PDE4A: variants seen among roughly 807,000 people sequenced by gnomAD.
PDE4A encodes the protein 3',5'-cyclic-AMP phosphodiesterase 4A.
PDE4A carries 21 observed loss-of-function variants against 73.9 expected under a neutral mutation model. That is an observed-to-expected ratio of 0.28 (90% confidence interval 0.20 to 0.41). PDE4A has a LOEUF of 0.41. Among genes scored for constraint, PDE4A ranks in the 10% least tolerant of loss-of-function variants. PDE4A has a pLI of 1.00. For missense variants in PDE4A, 958 were observed against 1,211.4 expected (o/e 0.79, Z 3.10); for synonymous variants, 463 against 505.4 (o/e 0.92, Z 1.13).
intron 2 of PDE4A, 28 bp downstream of exon 2, chr19:10,446,437 T>C: frequency 6.3e-7 from 1 of 1,594,960 alleles, no homozygotes; most frequent in Non-Finnish European, 8.6e-7. Context: ...CACATGCCAG[T>C]TCCCCCAGGC....
upstream of PDE4A, chr19:10,420,444 C>A: frequency 2.2e-6 from 2 of 912,996 alleles, no homozygotes; most frequent in Non-Finnish European, 2.6e-6. The surrounding 1 kb of genome is among the most constrained non-coding windows in gnomAD (Gnocchi z 6.0). Flanking sequence ...GCGCTGACAG[C>A]CGCGGCGGGC....
At position 10,453,893 on chromosome 19, in the gene PDE4A, G is replaced by T. The variant is rs1368543906; in HGVS notation, c.784-936G>T. ...GTACCCAGGGTCTCTGGGTGGCACC[G>T]GGAGGAGGGAGCACCCCGTCCAAGC... On this transcript the variant is annotated intron_variant, in intron 6 of 14. Transcript: ENST00000380702. This position sits in a 1 kb window ranked among gnomAD's most constrained non-coding sequence, Gnocchi z 4.6. 6.6e-6 allele frequency among the ~76,000 whole-genome samples: 1 copy of T among 152,058 alleles called. No homozygotes were observed. The highest frequency in any genetic ancestry group is 1.5e-5 in the Non-Finnish European group (1 of 67,986).
chr19:10,443,082 G>T (rs562287192), intron 1 of PDE4A, among the ~76,000 whole-genome samples: 2 of 152,094 alleles, frequency 1.3e-5, no homozygotes, highest in South Asian at 4.1e-4. Flanking sequence ...CCGAGGCTTA[G>T]GTGGGGGGAT....
intron 7 of PDE4A, among the ~76,000 whole-genome samples, chr19:10,456,525 C>CAAAA (rs1170935035): frequency 8.3e-5 from 12 of 144,986 alleles, no homozygotes; most frequent in Non-Finnish European, 7.7e-5. Context: ...GACTCCATCT[C>CAAAA]AAAAAAAAAA....
chr19:10,450,543 G>A, intron 4 of PDE4A, 60 bp from the exon 5 acceptor site: 1 of 1,540,218 alleles, frequency 6.5e-7, no homozygotes, highest in African/African-American at 1.4e-5. Flanking sequence ...AAAGCGGGAG[G>A]CAGGGACCTG....
In PDE4A at chr19:10,448,887, C is replaced by T. The variant is rs137957993; in HGVS notation, c.513-30C>T. The T allele has an allele frequency of 2.7e-4, 439 of 1,613,490 alleles. 3 individuals are homozygous for T. The African/African-American group carries it at 5.2e-3, about 19-fold the overall frequency. On this transcript the variant is annotated intron_variant, in intron 2 of 14. Coordinates refer to ENST00000380702, the MANE Select transcript of PDE4A (RefSeq NM_001111307.2). The stretch of plus-strand genomic sequence containing the variant: ...CCCCAGACAGTTGCTTCTCTGCGGA[C>T]CCCTGACCTGCCTCTGTCCTCAATC...
chr19:10,451,898 G>A (rs1010428581), intron 6 of PDE4A, among the ~76,000 whole-genome samples: 2 of 152,016 alleles, frequency 1.3e-5, no homozygotes, highest in African/African-American at 4.8e-5. Context: ...GGTGCTTACA[G>A]CAGTGGGTGG....
intron 1 of PDE4A, among the ~76,000 whole-genome samples, chr19:10,437,323 C>A (rs1439047942): frequency 6.6e-6 from 1 of 152,072 alleles, no homozygotes; most frequent in East Asian, 1.9e-4. Flanking sequence ...GGGGTTTCAC[C>A]ATGTTGGTCA....
At chr19:10,456,888 G>A (rs891265604) in intron 7 of PDE4A, among the ~76,000 whole-genome samples, 3 of 152,094 alleles carry the variant, frequency 2.0e-5, no homozygotes, top group East Asian at 3.9e-4. Flanking sequence ...TTCGGGAACC[G>A]CCCAGACAAG....
intron 14 of PDE4A, among the ~76,000 whole-genome samples, chr19:10,465,170 C>T (rs1434793884): frequency 3.9e-5 from 6 of 151,986 alleles, no homozygotes; most frequent in South Asian, 4.1e-4. Flanking sequence ...GGATTCTTAG[C>T]AGAATCCCTG....
At chr19:10,418,899 G>T (rs527324479), upstream of PDE4A, 11 of 983,172 alleles carry the variant, frequency 1.1e-5, no homozygotes, top group African/African-American at 1.6e-4. Context: ...GTGTGTAATG[G>T]GGGGGGTGTT....
chr19:10,466,003 CTTT>C (rs372475097), intron 14 of PDE4A, among the ~76,000 whole-genome samples: 1 of 126,526 alleles, frequency 7.9e-6, no homozygotes, highest in African/African-American at 2.9e-5. Flanking sequence ...ATCCGGCCTA[CTTT>C]TTTTTTTTTT....
chr19:10,430,857 C>T, intron 1 of PDE4A: 1 of 1,227,106 alleles, frequency 8.1e-7, no homozygotes, highest in African/African-American at 1.6e-5. Flanking sequence ...GGCGCGGCCG[C>T]GCGGCCTAGG....
chr19:10,463,807 G>A lies in PDE4A; in HGVS notation c.1758G>A (p.Met586Ile). 1 of 1,614,118 alleles carries A rather than the reference G, an allele frequency of 6.2e-7. No homozygotes were observed. The highest frequency in any genetic ancestry group is 8.5e-7 in the Non-Finnish European group (1 of 1,180,012). Residue 586 changes from methionine (M) to isoleucine (I), a missense_variant, in exon 14 of 15, where the codon ATG (methionine) becomes ATA (isoleucine). Physicochemically the swap from Met to Ile is conservative, Grantham distance 10 (BLOSUM62 1). Around this residue, in one of 3 missense-constraint regions of PDE4A, gnomAD observed 570 missense variants for 827.7 expected, o/e 0.69. Transcript: ENST00000380702. ...YSDRIQVLRNMVHCADLSNPT... is the reference protein window; with the variant it reads ...YSDRIQVLRNIVHCADLSNPT... ...ACCCCATGCAGGTCCTCCGGAACATGGTGCACTGTGCCGACCTCAGCAACC... is the reference window on the plus strand; with the variant it reads ...ACCCCATGCAGGTCCTCCGGAACATAGTGCACTGTGCCGACCTCAGCAACC...
Position 10,446,254 on chromosome 19 carries a change from C to T in PDE4A, c.357C>T (p.Gly119=), listed in dbSNP as rs2043002303. The T allele has an allele frequency of 6.3e-7, 1 of 1,593,458 alleles. No individual in the cohort carries two copies. The highest frequency in any genetic ancestry group is 8.5e-7 in the Non-Finnish European group (1 of 1,170,534). The change falls in exon 2 of 15, where the codon GGC becomes GGT. Residue 119 remains glycine, a synonymous_variant. Coordinates refer to ENST00000380702, the MANE Select transcript of PDE4A (RefSeq NM_001111307.2). ...AGAATGGGCCGACACCATCTCCTGG[C>T]CGCAGCCCCCTGGACTCGCAGGCGA... ...EAENGPTPSP[G]RSPLDSQASP...
chr19:10,467,410 A>C lies in PDE4A; in HGVS notation c.2450A>C (p.Gln817Pro). Residue 817 changes from glutamine (Q) to proline (P), a missense_variant, in exon 15 of 15, where the codon CAA (glutamine) becomes CCA (proline). Transcript: ENST00000380702. ...SHSSPSALAL[Q>P]SPLLPAWRTL... ...AGCAGCCCCTCTGCCCTGGCTCTTCAAAGCCCCCTTCTCCCTGCTTGGAGG... is the reference window on the plus strand; with the variant it reads ...AGCAGCCCCTCTGCCCTGGCTCTTCCAAGCCCCCTTCTCCCTGCTTGGAGG... The C allele has an allele frequency of 6.2e-7, 1 of 1,613,998 alleles. No homozygotes were observed. The highest frequency in any genetic ancestry group is 1.1e-5 in the South Asian group (1 of 91,082).
intron 7 of PDE4A, among the ~76,000 whole-genome samples, chr19:10,456,533 A>T (rs1178252486): frequency 6.9e-6 from 1 of 144,620 alleles, no homozygotes; most frequent in East Asian, 2.0e-4. Context: ...CTCAAAAAAA[A>T]AATAAATAAA....
rs2042697190 is a variant in PDE4A, at chr19:10,424,848, T to A, written c.320+3764T>A. On this transcript the variant is annotated intron_variant, in intron 1 of 14. Transcript: ENST00000380702. The surrounding 1 kb of genome is among the most constrained non-coding windows in gnomAD (Gnocchi z 4.8). ...GGCAGGCCGGTGAACCCCAGCATCC[T>A]TGGCTCTGCGCTTCCTGCCCGGGAA... 2.0e-5 allele frequency among the ~76,000 whole-genome samples: 3 copies of A among 152,206 alleles called. No individual in the cohort carries two copies. Among genetic ancestry groups the A allele is most frequent in the Admixed American group, 6.5e-5 (1 of 15,280 alleles).
chr19:10,440,514 C>A (rs1454341947), intron 1 of PDE4A, among the ~76,000 whole-genome samples: 1 of 152,084 alleles, frequency 6.6e-6, no homozygotes, highest in Admixed American at 6.6e-5. Flanking sequence ...ATCTCTGCCT[C>A]CCGGGTTTAA....
Sources: gnomAD v4.1 joint callset for allele counts (sites outside exome capture counted in the v4.1 genomes callset) on GRCh38, gnomAD v4.1.1 for gene constraint, gnomAD v4.1.1 regional missense constraint, Gnocchi (gnomAD v3.1) non-coding constraint, MANE v1.5 for transcripts, NCBI Gene and HGNC (gene_info 2026-07-23, HGNC 2026-07-21) for gene names.